Variants in PLCB4 observed in about 807,000 individuals in gnomAD.
PLCB4 encodes 1-phosphatidylinositol 4,5-bisphosphate phosphodiesterase beta-4.
PLCB4 carries 77 observed loss-of-function variants against 178.8 expected under a neutral mutation model. The ratio of observed to expected loss-of-function variants is 0.43; its 90% CI spans 0.36 to 0.52. The LOEUF (loss-of-function observed/expected upper bound fraction) is 0.52. PLCB4 is among the 20% of genes least tolerant of loss of function. The probability of loss-of-function intolerance (pLI) is 0.00; values close to 1 mark genes in which losing one functional copy is unlikely to be tolerated. For missense variants in PLCB4, 1,024 were observed against 1,453.4 expected (o/e 0.70, Z 4.80); for synonymous variants, 496 against 490.8 (o/e 1.01, Z -0.14).
At chr20:9,129,611 C>A (rs1483544188) in intron 2 of PLCB4, among the ~76,000 whole-genome samples, 1 of 152,176 alleles carries the variant, frequency 6.6e-6, no homozygotes, top group Non-Finnish European at 1.5e-5. Flanking sequence ...CCCAGGGATA[C>A]TCTCTTTTTG....
rs969286337 is a variant in PLCB4, at chr20:9,263,487, C to G, written c.-15-44313C>G. On this transcript the variant is annotated intron_variant, in intron 3 of 39. Transcript: ENST00000378473. The stretch of plus-strand genomic sequence containing the variant: ...GGAGCTTGTTAGAAATGCAGACTCT[C>G]AGGCCCTTCCCTAGGCCTATTGTGT... Among the ~76,000 whole-genome samples, 31 of 152,186 alleles carry G rather than the reference C, an allele frequency of 2.0e-4. 1 individual carries two copies. Among genetic ancestry groups the G allele is most frequent in the African/African-American group, 7.2e-4 (30 of 41,450 alleles).
chr20:9,400,521 A>T (rs1172797231), intron 19 of PLCB4, among the ~76,000 whole-genome samples: 4 of 152,184 alleles, frequency 2.6e-5, no homozygotes, highest in African/African-American at 9.6e-5. Flanking sequence ...TCCTTTCTGA[A>T]TTTCTCAGAA....
At chr20:9,139,764 A>G (rs1250681887) in intron 2 of PLCB4, among the ~76,000 whole-genome samples, 1 of 151,918 alleles carries the variant, frequency 6.6e-6, no homozygotes, top group African/African-American at 2.4e-5. Flanking sequence ...AGCCACCACT[A>G]TTCACGGAAA....
chr20:9,276,484 C>T (rs1217275525), intron 3 of PLCB4, among the ~76,000 whole-genome samples: 6 of 151,928 alleles, frequency 3.9e-5, no homozygotes, highest in Non-Finnish European at 2.9e-5. Flanking sequence ...GGTCATAAGC[C>T]GCTATTAGAA....
At chr20:9,219,269 A>G (rs2093769371) in intron 3 of PLCB4, among the ~76,000 whole-genome samples, 2 of 152,158 alleles carry the variant, frequency 1.3e-5, no homozygotes, top group African/African-American at 4.8e-5. Flanking sequence ...GGAGATTGAC[A>G]CCATCCTGGC....
chr20:9,393,717 A>G, intron 18 of PLCB4, 39 bp downstream of exon 18: 2 of 1,236,170 alleles, frequency 1.6e-6, no homozygotes, highest in Non-Finnish European at 2.4e-6. Context: ...AAGCATACAT[A>G]ACATGTGTGG....
intron 1 of PLCB4, among the ~76,000 whole-genome samples, chr20:9,076,595 C>A (rs962729831): frequency 6.6e-6 from 1 of 152,190 alleles, no homozygotes; most frequent in Admixed American, 6.5e-5. Flanking sequence ...AGATGTCCCC[C>A]CTGCTATTTG....
At chr20:9,258,482 C>T (rs997846852) in intron 3 of PLCB4, among the ~76,000 whole-genome samples, 42 of 151,834 alleles carry the variant, frequency 2.8e-4, no homozygotes, top group African/African-American at 9.4e-4. Flanking sequence ...TTCGTGAGGC[C>T]GAGGTGGGTG....
At chr20:9,262,066 G>T (rs1164440700) in intron 3 of PLCB4, among the ~76,000 whole-genome samples, 1 of 152,132 alleles carries the variant, frequency 6.6e-6, no homozygotes, top group Non-Finnish European at 1.5e-5. Flanking sequence ...ACAGGATAAG[G>T]TGATCATTCT....
intron 36 of PLCB4, among the ~76,000 whole-genome samples, chr20:9,470,738 TA>T (rs1327219623): frequency 3.9e-5 from 6 of 152,190 alleles, no homozygotes; most frequent in African/African-American, 1.2e-4. Context: ...GAGAAAACTT[TA>T]CATGTATACA....
intron 11 of PLCB4, among the ~76,000 whole-genome samples, chr20:9,372,798 C>T (rs6056583): frequency 0.2 from 29,796 of 148,968 alleles, 5,531 homozygotes; most frequent in African/African-American, 0.5. Flanking sequence ...CTTTTGAAAA[C>T]GGTAAAAAAA....
chr20:9,380,743 G>C (rs568193317), intron 13 of PLCB4, among the ~76,000 whole-genome samples: 117 of 152,250 alleles, frequency 7.7e-4, no homozygotes, highest in African/African-American at 2.7e-3. Flanking sequence ...GAAAGGCATG[G>C]GGAGAAATTT....
At chr20:9,269,661 T>C (rs888668130) in intron 3 of PLCB4, among the ~76,000 whole-genome samples, 6 of 152,126 alleles carry the variant, frequency 3.9e-5, no homozygotes, top group African/African-American at 1.4e-4. Context: ...ACTACTCTTA[T>C]ATCAACAGAG....
At chr20:9,154,834 T>C (rs2092754849) in intron 2 of PLCB4, among the ~76,000 whole-genome samples, 1 of 143,492 alleles carries the variant, frequency 7.0e-6, no homozygotes, top group South Asian at 2.4e-4. Flanking sequence ...TTCCCTCCCT[T>C]CTTTCCTTCC....
intron 12 of PLCB4, among the ~76,000 whole-genome samples, chr20:9,377,813 A>G (rs1370914395): frequency 2.6e-5 from 4 of 152,150 alleles, no homozygotes; most frequent in African/African-American, 9.7e-5. Context: ...TCCTTGTGAG[A>G]CTTAGGTACT....
At chr20:9,280,841 G>A (rs538466715) in intron 3 of PLCB4, among the ~76,000 whole-genome samples, 9 of 151,140 alleles carry the variant, frequency 6.0e-5, no homozygotes, top group South Asian at 2.1e-4. Context: ...TCTGTATGCC[G>A]AACATGTGTT....
chr20:9,421,489 A>C lies in PLCB4; in HGVS notation c.2319+28A>C, dbSNP rs374692703. 4 of 1,589,886 alleles carry C rather than the reference A, an allele frequency of 2.5e-6. No individual in the cohort carries two copies. The African/African-American group carries it at 5.4e-5, about 21-fold the overall frequency. On this transcript the variant is annotated intron_variant, in intron 27 of 39. Coordinates refer to ENST00000378473, the MANE Select transcript of PLCB4 (RefSeq NM_001377142.1). ...AGGACATTTTCAGCACGTCAAACTTACTCTAATAACTTGGGAGCCATGTTT... is the reference window on the plus strand; with the variant it reads ...AGGACATTTTCAGCACGTCAAACTTCCTCTAATAACTTGGGAGCCATGTTT...
intron 3 of PLCB4, among the ~76,000 whole-genome samples, chr20:9,302,674 C>T (rs970837684): frequency 2.0e-5 from 3 of 152,116 alleles, no homozygotes; most frequent in African/African-American, 7.2e-5. Flanking sequence ...CCTCCTCCTT[C>T]ACCTCCAAAG....
At chr20:9,162,352 T>A (rs929641638) in intron 2 of PLCB4, among the ~76,000 whole-genome samples, 4 of 152,116 alleles carry the variant, frequency 2.6e-5, no homozygotes, top group African/African-American at 9.7e-5. Context: ...TGGCGATTTG[T>A]GTATGTTTTG....
Sources: allele counts gnomAD v4.1 joint callset (sites outside exome capture counted in the v4.1 genomes callset), GRCh38; gene constraint gnomAD v4.1.1; transcripts MANE v1.5; gene names NCBI Gene and HGNC (gene_info 2026-07-23, HGNC 2026-07-21).